Variants in C12orf42 observed in about 807,000 individuals in gnomAD.
C12orf42 encodes the protein uncharacterized protein C12orf42.
C12orf42 carries 25 observed loss-of-function variants against 21.6 expected under a neutral mutation model. That is an observed-to-expected ratio of 1.16 (90% CI 0.84 to 1.62). The LOEUF is 1.62. C12orf42 is among the 40% of genes most tolerant of loss of function. C12orf42 has a pLI of 0.00. For synonymous variants in C12orf42, 174 were observed against 175.0 expected, an observed-to-expected ratio of 0.99 and a Z score of 0.05; for missense variants, 483 against 459.3, an observed-to-expected ratio of 1.05 and a Z score of -0.47.
chr12:103,223,802 C>T, the C12orf42 span, among the ~76,000 whole-genome samples: 1 of 152,140 alleles, frequency 6.6e-6, no homozygotes, highest in African/African-American at 2.4e-5. Flanking sequence ...CTGTAGCATT[C>T]CGAGGACAGG....
At chr12:103,131,970 T>C in the C12orf42 span, among the ~76,000 whole-genome samples, 2 of 152,104 alleles carry the variant, frequency 1.3e-5, no homozygotes, top group African/African-American at 4.8e-5. Context: ...TTGATGCTAG[T>C]GATAATGATG....
At chr12:103,476,245 C>T (rs1249122564) in intron 2 of C12orf42, among the ~76,000 whole-genome samples, 1 of 152,148 alleles carries the variant, frequency 6.6e-6, no homozygotes, top group African/African-American at 2.4e-5. Flanking sequence ...AGCTCTGAGA[C>T]ATGTTTGTTC....
the C12orf42 span, among the ~76,000 whole-genome samples, chr12:103,549,779 C>T: frequency 1.3e-5 from 2 of 152,192 alleles, no homozygotes; most frequent in Non-Finnish European, 2.9e-5. Flanking sequence ...ATCTTCCAGA[C>T]ATCTATACAA....
intron 2 of C12orf42, among the ~76,000 whole-genome samples, chr12:103,461,093 C>T (rs914161566): frequency 2.0e-5 from 3 of 152,040 alleles, no homozygotes; most frequent in Non-Finnish European, 4.4e-5. Context: ...TTCAAAAAAG[C>T]AATACAATAA....
intron 2 of C12orf42, among the ~76,000 whole-genome samples, chr12:103,447,417 A>G (rs1951649694): frequency 6.6e-6 from 1 of 152,030 alleles, no homozygotes; most frequent in Admixed American, 6.6e-5. Context: ...CTTCTATTCA[A>G]CATAGTACTA....
chr12:103,411,668 AAGGCATCTCTG>A (rs1286396756), intron 2 of C12orf42, among the ~76,000 whole-genome samples: 1 of 152,194 alleles, frequency 6.6e-6, no homozygotes, highest in African/African-American at 2.4e-5. Flanking sequence ...ACACAGAAAG[AAGGCATCTCTG>A]AGGCAGAAAG....
At chr12:103,252,118 C>T (rs1267006472) in intron 10 of C12orf42, among the ~76,000 whole-genome samples, 1 of 151,810 alleles carries the variant, frequency 6.6e-6, no homozygotes, top group African/African-American at 2.4e-5. Context: ...TCTCTCTCCC[C>T]CCAAAAATTC....
At chr12:103,269,529 T>C (rs1200810458) in intron 6 of C12orf42, among the ~76,000 whole-genome samples, 1 of 152,196 alleles carries the variant, frequency 6.6e-6, no homozygotes, top group Non-Finnish European at 1.5e-5. Context: ...GACTGTTCTG[T>C]TATCAATCAC....
intron 10 of C12orf42, among the ~76,000 whole-genome samples, chr12:103,246,149 A>G (rs1211503011): frequency 6.6e-6 from 1 of 152,142 alleles, no homozygotes; most frequent in Non-Finnish European, 1.5e-5. Flanking sequence ...TCCAACTTAC[A>G]GATTCAGTCA....
intron 4 of C12orf42, among the ~76,000 whole-genome samples, chr12:103,336,197 T>C (rs1368526216): frequency 3.3e-5 from 5 of 152,272 alleles, no homozygotes; most frequent in Admixed American, 1.3e-4. Flanking sequence ...ACATAGCGCC[T>C]AGTGGCATCT....
chr12:103,478,650 C>T (rs999590051), intron 1 of C12orf42, among the ~76,000 whole-genome samples: 1 of 146,554 alleles, frequency 6.8e-6, no homozygotes, highest in East Asian at 2.1e-4. Context: ...TCTTGAACTA[C>T]TCCTGGACTC....
At chr12:103,166,339 T>G in the C12orf42 span, among the ~76,000 whole-genome samples, 1 of 152,156 alleles carries the variant, frequency 6.6e-6, no homozygotes, top group Non-Finnish European at 1.5e-5. Flanking sequence ...GATAAATGCT[T>G]AAAAAAAGTT....
At chr12:103,313,010 A>C (rs2136674938) in intron 4 of C12orf42, among the ~76,000 whole-genome samples, 2 of 152,208 alleles carry the variant, frequency 1.3e-5, no homozygotes, top group East Asian at 3.8e-4. Flanking sequence ...TATCCCTTAA[A>C]AAATAACTTC....
chr12:103,416,981 A>G (rs1340391220), intron 2 of C12orf42, among the ~76,000 whole-genome samples: 1 of 152,200 alleles, frequency 6.6e-6, no homozygotes, highest in Non-Finnish European at 1.5e-5. Context: ...ATTTTCAAAC[A>G]TGGACTTTGA....
At chr12:103,183,447 A>G in the C12orf42 span, among the ~76,000 whole-genome samples, 1 of 152,162 alleles carries the variant, frequency 6.6e-6, no homozygotes, top group Non-Finnish European at 1.5e-5. Flanking sequence ...AGACTGGTGA[A>G]TTTTATCTTT....
chr12:103,126,012 C>T, the C12orf42 span, among the ~76,000 whole-genome samples: 2 of 152,316 alleles, frequency 1.3e-5, no homozygotes, highest in Admixed American at 1.3e-4. Context: ...GGAAATGGCG[C>T]TCTCCCTCCA....
chr12:103,319,777 G>A (rs1204163423), intron 4 of C12orf42, among the ~76,000 whole-genome samples: 1 of 152,218 alleles, frequency 6.6e-6, no homozygotes, highest in Non-Finnish European at 1.5e-5. Flanking sequence ...TTTGAGTGCA[G>A]GGCTATTTGG....
intron 2 of C12orf42, among the ~76,000 whole-genome samples, chr12:103,436,205 A>C (rs995384231): frequency 1.3e-5 from 2 of 150,262 alleles, no homozygotes; most frequent in African/African-American, 4.9e-5. Flanking sequence ...AAATGCTGAG[A>C]GATTTTGTCA....
chr12:103,498,994 AC>A (rs1308620355), upstream of C12orf42, among the ~76,000 whole-genome samples: 1 of 152,000 alleles, frequency 6.6e-6, no homozygotes, highest in African/African-American at 2.4e-5. Context: ...TATGTAACAA[AC>A]CTGCACATGT....
Sources: allele counts gnomAD v4.1 joint callset (sites outside exome capture counted in the v4.1 genomes callset), GRCh38; gene constraint gnomAD v4.1.1; transcripts MANE v1.5; gene names NCBI Gene and HGNC (gene_info 2026-07-23, HGNC 2026-07-21).